Variants in HRH2 observed in about 807,000 individuals in gnomAD.
The protein encoded by HRH2 is histamine H2 receptor.
In HRH2, 4 loss-of-function variants were observed where a neutral mutation model predicts 20.1. That is an observed-to-expected ratio of 0.20 (90% CI 0.10 to 0.45). The LOEUF (loss-of-function observed/expected upper bound fraction) is 0.45. HRH2 is among the 20% of genes least tolerant of loss of function. HRH2 has a pLI of 0.99. For missense variants in HRH2, 250 were observed against 461.6 expected (o/e 0.54, Z 4.20); for synonymous variants, 197 against 200.7 (o/e 0.98, Z 0.16).
At chr5:175,659,332 G>C (rs1478275543) in intron 1 of HRH2, among the ~76,000 whole-genome samples, 10 of 152,150 alleles carry the variant, frequency 6.6e-5, no homozygotes. Context: ...CCTGTCCCTG[G>C]AGGTTATCCA....
intron 2 of HRH2, among the ~76,000 whole-genome samples, chr5:175,689,729 G>A (rs1397151513): frequency 6.6e-6 from 1 of 152,206 alleles, no homozygotes; most frequent in Non-Finnish European, 1.5e-5. Flanking sequence ...ACCTCGGGGT[G>A]GGAACAGACT....
Position 175,677,962 on chromosome 5 carries a change from G to A in HRH2, c.-525-4747G>A, listed in dbSNP as rs145332599. On this transcript the variant is annotated intron_variant, in intron 1 of 2. Coordinates refer to ENST00000636584, the MANE Select transcript of HRH2 (RefSeq NM_001367711.1). This position sits in a 1 kb window ranked among gnomAD's most constrained non-coding sequence, Gnocchi z 4.2. ...CATCTTTCTCCTCCAAACGTTCACC[G>A]TGGCTGTTCTCTCTGGAATCAGCTG... Among the ~76,000 whole-genome samples, 130 of 152,310 alleles carry A rather than the reference G, an allele frequency of 8.5e-4. No homozygotes were observed. The highest frequency in any genetic ancestry group is 3.1e-3 in the African/African-American group (127 of 41,568).
chr5:175,675,057 A>T lies in HRH2; in HGVS notation c.-525-7652A>T, dbSNP rs375693727. On this transcript the variant is annotated intron_variant, in intron 1 of 2. Coordinates refer to ENST00000636584, the MANE Select transcript of HRH2 (RefSeq NM_001367711.1). ...CTGGAGGCTGACAGACCTCGGTTCA[A>T]ATCCTGACTTTGCCACTTACTGTTT... 5.2e-4 allele frequency among the ~76,000 whole-genome samples: 79 copies of T among 152,338 alleles called. 1 individual carries two copies. The South Asian group carries it at 5.6e-3, about 11-fold the overall frequency.
intron 2 of HRH2, among the ~76,000 whole-genome samples, chr5:175,696,043 G>T (rs1756565507): frequency 6.6e-6 from 1 of 152,276 alleles, no homozygotes; most frequent in African/African-American, 2.4e-5. Context: ...TTGAACCTCA[G>T]TTTCCCCATC....
intron 2 of HRH2, among the ~76,000 whole-genome samples, chr5:175,696,177 T>G (rs1213679854): frequency 6.6e-6 from 1 of 152,038 alleles, no homozygotes; most frequent in East Asian, 1.9e-4. Flanking sequence ...GGCCTGGGAG[T>G]TTCCTTCAGT....
At chr5:175,689,444 G>A (rs368248355) in intron 2 of HRH2, among the ~76,000 whole-genome samples, 9 of 152,174 alleles carry the variant, frequency 5.9e-5, no homozygotes, top group African/African-American at 2.2e-4. Flanking sequence ...GTGGCACTGT[G>A]CCTGGCACAG....
chr5:175,668,343 A>T (rs1755383193), intron 1 of HRH2, among the ~76,000 whole-genome samples: 1 of 152,204 alleles, frequency 6.6e-6, no homozygotes, highest in African/African-American at 2.4e-5. Flanking sequence ...GGGGGACTGC[A>T]GGGATTTCCT....
intron 1 of HRH2, among the ~76,000 whole-genome samples, chr5:175,669,523 C>G (rs1161562703): frequency 6.6e-6 from 1 of 151,994 alleles, no homozygotes; most frequent in Non-Finnish European, 1.5e-5. Flanking sequence ...ACCAGCACAC[C>G]CGGCTAGTTC....
intron 2 of HRH2, among the ~76,000 whole-genome samples, chr5:175,692,766 A>T (rs1215118589): frequency 6.6e-6 from 1 of 152,140 alleles, no homozygotes; most frequent in East Asian, 1.9e-4. Context: ...GTGTCCGGGG[A>T]CCATTCCAAT....
intron 1 of HRH2, among the ~76,000 whole-genome samples, chr5:175,660,869 T>C (rs1256290532): frequency 6.6e-6 from 1 of 151,836 alleles, no homozygotes; most frequent in African/African-American, 2.4e-5. Flanking sequence ...TTTATCCTAT[T>C]GTCAATTTGG....
In HRH2 at chr5:175,683,201, C is replaced by T. The variant is rs750043611; in HGVS notation, c.-33C>T. 6 of 1,591,060 alleles carry T rather than the reference C, an allele frequency of 3.8e-6. No homozygotes were observed. In the African/African-American group the frequency reaches 6.7e-5, roughly 18 times the overall value. Reference sequence around the variant, plus strand: ...GAGCAGAGAAGAAGCAACCAGGGGCCCTGATCAGGGGACTGAGCCGTAGAG... The same window carrying T: ...GAGCAGAGAAGAAGCAACCAGGGGCTCTGATCAGGGGACTGAGCCGTAGAG... On this transcript the variant is annotated 5_prime_UTR_variant, in exon 2 of 3. Coordinates refer to ENST00000636584, the MANE Select transcript of HRH2 (RefSeq NM_001367711.1).
At chr5:175,671,745 G>A (rs999962918) in intron 1 of HRH2, among the ~76,000 whole-genome samples, 1 of 152,202 alleles carries the variant, frequency 6.6e-6, no homozygotes, top group Non-Finnish European at 1.5e-5. Flanking sequence ...AGCTGCCTAA[G>A]TCAAATAGCC....
At position 175,684,168 on chromosome 5, in the gene HRH2, C is replaced by T; in HGVS notation, c.935C>T (p.Ser312Phe). The change falls in exon 2 of 3, where the codon TCC (serine) becomes TTC (phenylalanine). Residue 312 changes from serine to phenylalanine, a missense_variant. By Grantham distance (155) the Ser-to-Phe change is radical. Transcript: ENST00000636584. ...TGCTGCAGGCTGGCCAACCGCAACT[C>T]CCACAAAACTTCTCTGAGGTCCAAC... ...LFCCRLANRN[S>F]HKTSLRSNAS... The T allele has an allele frequency of 6.2e-7, 1 of 1,614,180 alleles. No homozygotes were observed. Among genetic ancestry groups the T allele is most frequent in the Non-Finnish European group, 8.5e-7 (1 of 1,180,036 alleles).
intron 1 of HRH2, among the ~76,000 whole-genome samples, chr5:175,666,029 T>C (rs901948300): frequency 6.6e-6 from 1 of 152,246 alleles, no homozygotes; most frequent in African/African-American, 2.4e-5. Flanking sequence ...GGAGCTCTGA[T>C]GGCACTGAGC....
chr5:175,706,464 TAGA>T (rs900262660), intron 2 of HRH2, among the ~76,000 whole-genome samples: 1 of 152,208 alleles, frequency 6.6e-6, no homozygotes, highest in Non-Finnish European at 1.5e-5. Context: ...TTAGGCCCCT[TAGA>T]AGAAGGGAGG....
chr5:175,667,015 G>T (rs1762917629), intron 1 of HRH2, among the ~76,000 whole-genome samples: 1 of 147,872 alleles, frequency 6.8e-6, no homozygotes, highest in African/African-American at 2.7e-5. Context: ...TGCAAATAAA[G>T]GCATATATAT....
intron 2 of HRH2, 48 bp from the exon 3 acceptor site, chr5:175,707,731 C>T (rs1311642046): frequency 2.3e-5 from 9 of 398,436 alleles, no homozygotes; most frequent in Non-Finnish European, 2.7e-5. Flanking sequence ...TCTGCCCCCG[C>T]CTTGCTCTGT....
intron 1 of HRH2, among the ~76,000 whole-genome samples, chr5:175,666,256 A>T (rs1418731899): frequency 6.6e-6 from 1 of 152,166 alleles, no homozygotes; most frequent in Non-Finnish European, 1.5e-5. Flanking sequence ...GTGTTCCTGG[A>T]AGCGACAGTC....
chr5:175,676,060 G>GC lies in HRH2; in HGVS notation c.-525-6642dup, dbSNP rs565757716. On this transcript the variant is annotated intron_variant, in intron 1 of 2. Coordinates refer to ENST00000636584, the MANE Select transcript of HRH2 (RefSeq NM_001367711.1). The stretch of plus-strand genomic sequence containing the variant: ...ACTCAGCATCGGCACACTTTTGGAG[G>GC]CCCCCCCATCAGCCCAGACAATCTA... 2.3e-3 allele frequency among the ~76,000 whole-genome samples: 354 copies of GC among 152,192 alleles called. 3 individuals are homozygous for GC. Among genetic ancestry groups the GC allele is most frequent in the African/African-American group, 7.7e-3 (321 of 41,534 alleles).
Sources: gnomAD v4.1 joint callset for allele counts (sites outside exome capture counted in the v4.1 genomes callset) on GRCh38, gnomAD v4.1.1 for gene constraint, Gnocchi (gnomAD v3.1) non-coding constraint, MANE v1.5 for transcripts, NCBI Gene and HGNC (gene_info 2026-07-23, HGNC 2026-07-21) for gene names.